Variants in SPATA16 observed in about 807,000 individuals in gnomAD.
SPATA16 encodes the protein spermatogenesis associated 16.
A neutral mutation model predicts 63.3 loss-of-function variants in SPATA16; 36 were observed. The ratio of observed to expected loss-of-function variants is 0.57; its 90% confidence interval spans 0.44 to 0.75. SPATA16 has a LOEUF of 0.75. SPATA16 is among the 30% of genes least tolerant of loss of function. The probability of loss-of-function intolerance (pLI) is 0.00; values close to 1 mark genes in which losing one functional copy is unlikely to be tolerated. For synonymous variants in SPATA16, 203 were observed against 216.7 expected (o/e 0.94, Z 0.56); for missense variants, 646 against 679.3 (o/e 0.95, Z 0.54).
intron 3 of SPATA16, among the ~76,000 whole-genome samples, chr3:173,030,670 G>A (rs988792195): frequency 6.6e-6 from 1 of 152,010 alleles, no homozygotes; most frequent in African/African-American, 2.4e-5. Flanking sequence ...AAGTATGGAA[G>A]TTCCTCAAAA....
intron 2 of SPATA16, among the ~76,000 whole-genome samples, chr3:173,109,320 C>A (rs536661234): frequency 2.6e-5 from 4 of 152,216 alleles, no homozygotes; most frequent in Admixed American, 2.6e-4. Flanking sequence ...CCTGCTGTGT[C>A]AATGGCTGCT....
chr3:173,043,390 A>C (rs1340383829), intron 3 of SPATA16, among the ~76,000 whole-genome samples: 1 of 151,986 alleles, frequency 6.6e-6, no homozygotes, highest in East Asian at 1.9e-4. Flanking sequence ...CATTTCATGT[A>C]AAAAAGCCTT....
intron 6 of SPATA16, among the ~76,000 whole-genome samples, chr3:172,945,758 C>T (rs1456926288): frequency 6.6e-6 from 1 of 152,180 alleles, no homozygotes; most frequent in African/African-American, 2.4e-5. Flanking sequence ...CTAGCCCCAC[C>T]ACCATGGGCT....
chr3:172,931,419 T>C (rs906196757), intron 6 of SPATA16, among the ~76,000 whole-genome samples: 2 of 151,928 alleles, frequency 1.3e-5, no homozygotes, highest in African/African-American at 4.8e-5. Context: ...ATATTTTTGT[T>C]TAATTTTTAG....
intron 1 of SPATA16, among the ~76,000 whole-genome samples, chr3:173,120,998 A>G (rs2037452418): frequency 6.6e-6 from 1 of 152,226 alleles, no homozygotes; most frequent in Admixed American, 6.5e-5. Context: ...TAAGTATCTA[A>G]GCAAATGTTT....
chr3:172,977,566 C>A (rs1316030917), intron 4 of SPATA16, among the ~76,000 whole-genome samples: 1 of 152,110 alleles, frequency 6.6e-6, no homozygotes, highest in East Asian at 1.9e-4. Flanking sequence ...CCTCTCCCCA[C>A]AGATTTTTGT....
chr3:173,123,975 C>T (rs902989682), intron 1 of SPATA16, among the ~76,000 whole-genome samples: 4 of 151,924 alleles, frequency 2.6e-5, no homozygotes, highest in South Asian at 2.1e-4. Flanking sequence ...ATATTGCAGC[C>T]GTCATTAGAT....
chr3:172,927,876 T>C (rs1253238659), intron 6 of SPATA16, among the ~76,000 whole-genome samples: 1 of 152,118 alleles, frequency 6.6e-6, no homozygotes, highest in Non-Finnish European at 1.5e-5. Context: ...CATCTTAACA[T>C]ACAGATTGCA....
intron 6 of SPATA16, among the ~76,000 whole-genome samples, chr3:172,952,290 A>G (rs1733453186): frequency 6.6e-6 from 1 of 152,220 alleles, no homozygotes; most frequent in African/African-American, 2.4e-5. Flanking sequence ...GTTATGATGT[A>G]GGACAGAAAA....
chr3:173,120,796 T>C (rs1738041989), intron 1 of SPATA16, among the ~76,000 whole-genome samples: 1 of 152,182 alleles, frequency 6.6e-6, no homozygotes, highest in African/African-American at 2.4e-5. Flanking sequence ...CAGATGTCCC[T>C]CACTCCGAGC....
At chr3:173,035,948 A>T (rs924973472) in intron 3 of SPATA16, among the ~76,000 whole-genome samples, 1 of 147,476 alleles carries the variant, frequency 6.8e-6, no homozygotes, top group Non-Finnish European at 1.5e-5. Flanking sequence ...CATTATGGAC[A>T]CTCAGCCTCT....
intron 2 of SPATA16, among the ~76,000 whole-genome samples, chr3:173,058,661 G>C (rs1158139778): frequency 3.3e-5 from 5 of 152,076 alleles, no homozygotes; most frequent in Admixed American, 1.3e-4. Context: ...TCAGTCTCCT[G>C]TGTTTATCGG....
chr3:173,033,285 A>G (rs1460160679), intron 3 of SPATA16, among the ~76,000 whole-genome samples: 2 of 152,112 alleles, frequency 1.3e-5, no homozygotes, highest in South Asian at 2.1e-4. Context: ...AGTGAACGTG[A>G]AATAAATTCC....
intron 1 of SPATA16, among the ~76,000 whole-genome samples, chr3:173,136,504 A>T (rs1357083234): frequency 2.0e-5 from 3 of 152,158 alleles, no homozygotes; most frequent in Admixed American, 2.0e-4. Context: ...GTTACAAACC[A>T]TCCAATTATA....
chr3:173,137,901 G>A (rs1479189177), intron 1 of SPATA16, among the ~76,000 whole-genome samples: 1 of 147,950 alleles, frequency 6.8e-6, no homozygotes, highest in African/African-American at 2.5e-5. Flanking sequence ...CTAAAGAAGA[G>A]ACCAGATGTA....
intron 8 of SPATA16, among the ~76,000 whole-genome samples, chr3:172,917,276 A>G (rs561668368): frequency 5.9e-5 from 9 of 152,322 alleles, no homozygotes; most frequent in African/African-American, 2.2e-4. Context: ...AGGAGAGGCA[A>G]CGTTAGTCAT....
chr3:173,114,460 G>A (rs905764196), intron 2 of SPATA16, among the ~76,000 whole-genome samples: 9 of 152,092 alleles, frequency 5.9e-5, no homozygotes, highest in African/African-American at 2.2e-4. Context: ...ATTTTTGGCT[G>A]GATAGAATGT....
intron 3 of SPATA16, among the ~76,000 whole-genome samples, chr3:173,037,045 A>G (rs1735728845): frequency 6.6e-6 from 1 of 152,046 alleles, no homozygotes; most frequent in African/African-American, 2.4e-5. Flanking sequence ...ACGTTAAAAT[A>G]TAAAATTATA....
chr3:173,075,627 G>A (rs1208194402), intron 2 of SPATA16, among the ~76,000 whole-genome samples: 1 of 152,094 alleles, frequency 6.6e-6, no homozygotes, highest in Non-Finnish European at 1.5e-5. Context: ...GCAGTAACAG[G>A]GATGGAACGG....
Sources: allele counts gnomAD v4.1 joint callset (sites outside exome capture counted in the v4.1 genomes callset), GRCh38; gene constraint gnomAD v4.1.1; transcripts MANE v1.5; gene names NCBI Gene and HGNC (gene_info 2026-07-23, HGNC 2026-07-21).